CTNNA1: variants seen among roughly 807,000 people sequenced by gnomAD.
CTNNA1 encodes the protein catenin alpha-1.
Under a neutral mutation model 98.4 loss-of-function variants are expected in CTNNA1, and 37 were observed. The ratio of observed to expected loss-of-function variants is 0.38; its 90% CI spans 0.29 to 0.49. CTNNA1 has a LOEUF of 0.49. Ranked by LOEUF, CTNNA1 falls within the 20% of genes least tolerant of loss-of-function variation. The pLI, the probability that CTNNA1 is intolerant of heterozygous loss-of-function variation, is 0.95. For synonymous variants in CTNNA1, 404 were observed against 413.2 expected, an observed-to-expected ratio of 0.98 and a Z score of 0.27; for missense variants, 761 against 1,147.2, an observed-to-expected ratio of 0.66 and a Z score of 4.86.
At chr5:138,778,868 G>T (rs75014814) in intron 1 of CTNNA1, among the ~76,000 whole-genome samples, 2,250 of 152,004 alleles carry the variant, frequency 0.015, 58 homozygotes, top group African/African-American at 0.052. Flanking sequence ...TTTTATGAGG[G>T]ATCTAGTTCA....
rs184740946 is a variant in CTNNA1, at chr5:138,866,522, G to A, written c.1063-19690G>A. On this transcript the variant is annotated intron_variant, in intron 7 of 17. Coordinates refer to ENST00000302763, the MANE Select transcript of CTNNA1 (RefSeq NM_001903.5). ...TGCAGTTTTCATATCTGTTTCCTAA[G>A]TGAGGCATGAACCATTGGCCTCTGC... Among the ~76,000 whole-genome samples the A allele has an allele frequency of 2.6e-5, 4 of 152,240 alleles. No homozygotes were observed. In the East Asian group the frequency reaches 7.7e-4, roughly 29 times the overall value.
At chr5:138,910,434 G>A (rs1468409609) in intron 10 of CTNNA1, among the ~76,000 whole-genome samples, 2 of 151,098 alleles carry the variant, frequency 1.3e-5, no homozygotes, top group South Asian at 2.1e-4. Context: ...TCTTGAGTGA[G>A]CTTTGGTAAT....
chr5:138,802,531 A>G (rs1392257340), intron 3 of CTNNA1, among the ~76,000 whole-genome samples: 1 of 152,062 alleles, frequency 6.6e-6, no homozygotes. Context: ...TTCTCCAAAT[A>G]TGATGTTGGA....
intron 5 of CTNNA1, among the ~76,000 whole-genome samples, chr5:138,816,209 A>G (rs948946861): frequency 3.3e-5 from 5 of 152,206 alleles, no homozygotes; most frequent in Non-Finnish European, 7.3e-5. Flanking sequence ...GTTTCCATGA[A>G]TGACAGAATT....
At chr5:138,899,665 G>T (rs1757605059) in intron 9 of CTNNA1, among the ~76,000 whole-genome samples, 1 of 152,154 alleles carries the variant, frequency 6.6e-6, no homozygotes, top group East Asian at 1.9e-4. Flanking sequence ...TTCTCATCAT[G>T]AAATGGTGCC....
At chr5:138,893,696 T>C (rs1318008005) in intron 9 of CTNNA1, among the ~76,000 whole-genome samples, 1 of 152,144 alleles carries the variant, frequency 6.6e-6, no homozygotes, top group Admixed American at 6.5e-5. Flanking sequence ...CAATCTCGGC[T>C]CACTGCAACC....
chr5:138,888,869 G>A (rs949535902), intron 9 of CTNNA1, among the ~76,000 whole-genome samples: 4 of 152,086 alleles, frequency 2.6e-5, no homozygotes, highest in African/African-American at 4.8e-5. Flanking sequence ...AAAATTTTCC[G>A]AGGAAGACAC....
At chr5:138,870,778 G>A (rs1281542427) in intron 7 of CTNNA1, 1 of 152,216 alleles carries the variant, frequency 6.6e-6, no homozygotes, top group African/African-American at 2.4e-5. Flanking sequence ...TGATAAATGG[G>A]TTGGTAAATT....
chr5:138,892,546 C>T lies in CTNNA1; in HGVS notation c.1296+4904C>T, dbSNP rs531580073. 3.4e-4 allele frequency among the ~76,000 whole-genome samples: 51 copies of T among 151,014 alleles called. 1 individual carries two copies. In the South Asian group the frequency reaches 9.6e-3, roughly 28 times the overall value. ...AGAGATGGAGTTTCAGCATGTTGGC[C>T]AGGCTAGTCTCGAACTCCCAATCTT... On this transcript the variant is annotated intron_variant, in intron 9 of 17. Coordinates refer to ENST00000302763, the MANE Select transcript of CTNNA1 (RefSeq NM_001903.5).
At chr5:138,836,787 C>T (rs1761814534) in intron 7 of CTNNA1, among the ~76,000 whole-genome samples, 1 of 152,126 alleles carries the variant, frequency 6.6e-6, no homozygotes, top group Non-Finnish European at 1.5e-5. Flanking sequence ...GACTTCATAT[C>T]TAAAGTAGTA....
intron 1 of CTNNA1, among the ~76,000 whole-genome samples, chr5:138,756,498 A>G (rs539294524): frequency 2.2e-4 from 34 of 152,182 alleles, no homozygotes; most frequent in Admixed American, 1.2e-3. Context: ...ACTGTGGGGC[A>G]TAACAGACAG....
chr5:138,798,067 C>T (rs919642209), intron 3 of CTNNA1, among the ~76,000 whole-genome samples: 6 of 152,038 alleles, frequency 3.9e-5, no homozygotes, highest in African/African-American at 1.5e-4. Context: ...TTTCCTCTGT[C>T]CTTTAGGAAA....
intron 7 of CTNNA1, among the ~76,000 whole-genome samples, chr5:138,849,942 A>G (rs1763044186): frequency 6.6e-6 from 1 of 152,048 alleles, no homozygotes; most frequent in African/African-American, 2.4e-5. Context: ...TTCTCTTCTT[A>G]CAGTTTCTTG....
At position 138,755,845 on chromosome 5, in the gene CTNNA1, C is replaced by CTT. The variant is rs60260246; in HGVS notation, c.-3+2369_-3+2370dup. Among the ~76,000 whole-genome samples the CTT allele has an allele frequency of 8.3e-3, 484 of 58,428 alleles. 19 individuals carry two copies. Among genetic ancestry groups the CTT allele is most frequent in the Non-Finnish European group, 0.01 (326 of 31,894 alleles). 38.3% of individuals were successfully genotyped at this position (58,428 alleles called of 152,430 possible). ...CCTGCCCGGGTTTTGGGATTTCCTT[C>CTT]TTTTTTTTTTTTTTTTTTTTTTTTT... On this transcript the variant is annotated intron_variant, in intron 1 of 17. Coordinates refer to ENST00000302763, the MANE Select transcript of CTNNA1 (RefSeq NM_001903.5).
intron 9 of CTNNA1, among the ~76,000 whole-genome samples, chr5:138,900,324 G>C (rs972543845): frequency 6.6e-6 from 1 of 152,168 alleles, no homozygotes; most frequent in Non-Finnish European, 1.5e-5. Flanking sequence ...AGACTTAAAA[G>C]CTCCCTGTCC....
intron 3 of CTNNA1, among the ~76,000 whole-genome samples, chr5:138,799,037 G>C (rs780226183): frequency 5.9e-5 from 9 of 151,880 alleles, no homozygotes; most frequent in Non-Finnish European, 1.0e-4. Context: ...CTGTCACCCA[G>C]GCCACTGTGC....
intron 1 of CTNNA1, among the ~76,000 whole-genome samples, chr5:138,776,039 CTT>C (rs57467422): frequency 3.6e-5 from 3 of 83,874 alleles, no homozygotes; most frequent in African/African-American, 4.9e-5. Context: ...GGAAATGTTT[CTT>C]TTTTTTTTTT....
chr5:138,809,864 T>A (rs1758492389), intron 3 of CTNNA1, among the ~76,000 whole-genome samples, 174 bp from the exon 4 acceptor site: 1 of 152,188 alleles, frequency 6.6e-6, no homozygotes, highest in Non-Finnish European at 1.5e-5. Flanking sequence ...GTGCTTTTTT[T>A]AGTGATAGCT....
At chr5:138,846,384 A>G (rs900061644) in intron 7 of CTNNA1, among the ~76,000 whole-genome samples, 9 of 152,354 alleles carry the variant, frequency 5.9e-5, no homozygotes, top group Non-Finnish European at 1.0e-4. Flanking sequence ...TAGGTGACCT[A>G]TATCAGTATA....
Sources: allele counts gnomAD v4.1 joint callset (sites outside exome capture counted in the v4.1 genomes callset), GRCh38; gene constraint gnomAD v4.1.1; transcripts MANE v1.5; gene names NCBI Gene and HGNC (gene_info 2026-07-23, HGNC 2026-07-21).